Variants in PSD3 observed in about 807,000 individuals in gnomAD.
The protein encoded by PSD3 is pleckstrin and Sec7 domain containing 3, also known as PH and SEC7 domain-containing protein 3.
PSD3 carries 49 observed loss-of-function variants against 105.5 expected under a neutral mutation model. The observed-to-expected ratio is 0.46, with a 90% CI of 0.37 to 0.59. The LOEUF (loss-of-function observed/expected upper bound fraction) is 0.59. Among genes scored for constraint, PSD3 ranks in the 20% least tolerant of loss-of-function variants. The pLI is 0.00. For missense variants in PSD3, 1,561 were observed against 1,263.8 expected (o/e 1.24, Z -3.57); for synonymous variants, 557 against 457.8 (o/e 1.22, Z -2.77).
chr8:19,080,116 T>C (rs544849217), intron 1 of PSD3, among the ~76,000 whole-genome samples: 43 of 152,284 alleles, frequency 2.8e-4, no homozygotes, highest in African/African-American at 1.0e-3. Context: ...CTCAGACTCC[T>C]GACTTCAAAT....
Position 18,528,270 on chromosome 8 carries a change from C to T in PSD3, c.*7473G>A, listed in dbSNP as rs1274177382. The T allele has an allele frequency of 2.6e-5, 4 of 152,314 alleles. No homozygotes were observed. Among genetic ancestry groups the T allele is most frequent in the South Asian group, 4.1e-4 (2 of 4,826 alleles). The allele number at this position is 152,314 out of a possible 1,614,324, so 9.4% of individuals were successfully genotyped here. A position where few individuals can be genotyped will look rare whatever the true frequency, so the allele number is the denominator to read the frequency against. ...AGCACTTGAGTATTCCTCGACCCTT[C>T]CCCTAGAAAGGAAACGTTAGCCATT... On this transcript the variant is annotated 3_prime_UTR_variant, in exon 16 of 16. Transcript: ENST00000327040.
At chr8:18,933,230 C>T (rs958752643) in intron 2 of PSD3, among the ~76,000 whole-genome samples, 6 of 152,164 alleles carry the variant, frequency 3.9e-5, no homozygotes, top group Admixed American at 3.3e-4. Context: ...TTTGGTTTGC[C>T]TCGGCTATGA....
chr8:18,531,382 T>C lies in PSD3; in HGVS notation c.*4361A>G, dbSNP rs1212939150. On this transcript the variant is annotated 3_prime_UTR_variant, in exon 16 of 16. Transcript: ENST00000327040. ...CCACGTGGGTTCTGGATACTGTAGG[T>C]ACAAAAGGAGAATGCCTTTGGATTT... The C allele has an allele frequency of 6.6e-6, 1 of 152,640 alleles. No homozygotes were observed. The highest frequency in any genetic ancestry group is 1.9e-4 in the East Asian group (1 of 5,200). 9.5% of individuals were successfully genotyped at this position (152,640 alleles called of 1,614,324 possible). A position where few individuals can be genotyped will look rare whatever the true frequency, so the allele number is the denominator to read the frequency against.
At chr8:18,567,160 TC>T (rs1404477414) in intron 14 of PSD3, among the ~76,000 whole-genome samples, 1 of 152,106 alleles carries the variant, frequency 6.6e-6, no homozygotes, top group Non-Finnish European at 1.5e-5. Flanking sequence ...ACTCACCTTC[TC>T]CCCTGGATCT....
At chr8:18,632,561 G>T in intron 11 of PSD3, 52 bp downstream of exon 11, 1 of 1,524,568 alleles carries the variant, frequency 6.6e-7, no homozygotes, top group South Asian at 1.2e-5. Context: ...TTTAAATTTT[G>T]AGCATAAAGA....
rs1301395276 is a variant in PSD3 at position 18,535,616 on chromosome 8, G to GA, written c.*126dup. The GA allele has an allele frequency of 9.1e-5, 71 of 780,444 alleles. No homozygotes were observed. In the South Asian group the frequency reaches 1.2e-3, roughly 13 times the overall value. 48.3% of individuals were successfully genotyped at this position (780,444 alleles called of 1,614,324 possible). Reference sequence around the variant, plus strand: ...CAGAAACTAACAAAAATATACAATAGAAAAAATTACTAATGCACCGTTTTG... The same window carrying GA: ...CAGAAACTAACAAAAATATACAATAGAAAAAAATTACTAATGCACCGTTTTG... On this transcript the variant is annotated 3_prime_UTR_variant, in exon 16 of 16. Coordinates refer to ENST00000327040, the MANE Select transcript of PSD3 (RefSeq NM_015310.4).
intron 11 of PSD3, among the ~76,000 whole-genome samples, chr8:18,615,056 T>G (rs1357990211): frequency 6.6e-6 from 1 of 152,182 alleles, no homozygotes; most frequent in Non-Finnish European, 1.5e-5. Context: ...AGATATGAAT[T>G]CTAAATTTCT....
chr8:18,748,132 C>G (rs1404302202), intron 9 of PSD3, among the ~76,000 whole-genome samples: 1 of 152,042 alleles, frequency 6.6e-6, no homozygotes, highest in East Asian at 1.9e-4. Flanking sequence ...AAAGGACCAG[C>G]TGGCTGCACT....
intron 11 of PSD3, among the ~76,000 whole-genome samples, chr8:18,605,869 C>A (rs922724776): frequency 6.6e-6 from 1 of 152,142 alleles, no homozygotes; most frequent in African/African-American, 2.4e-5. Flanking sequence ...AAGTGGTGCT[C>A]CCCCTTTACC....
intron 11 of PSD3, among the ~76,000 whole-genome samples, chr8:18,617,194 C>A (rs185193882): frequency 6.6e-5 from 10 of 152,256 alleles, no homozygotes; most frequent in Admixed American, 6.5e-4. Flanking sequence ...TTACTATGTA[C>A]ACACATGCAA....
chr8:19,022,871 T>TC (rs1485636634), intron 1 of PSD3, among the ~76,000 whole-genome samples: 1 of 151,540 alleles, frequency 6.6e-6, no homozygotes, highest in South Asian at 2.1e-4. Context: ...ACCCTTTTTT[T>TC]TTTTTTAATC....
At chr8:18,884,720 C>T (rs1187271494) in intron 2 of PSD3, among the ~76,000 whole-genome samples, 1 of 152,192 alleles carries the variant, frequency 6.6e-6, no homozygotes, top group Non-Finnish European at 1.5e-5. Context: ...GACACTCTTT[C>T]CCCAAGTGAT....
At chr8:18,855,966 T>C (rs28670703) in intron 4 of PSD3, among the ~76,000 whole-genome samples, 2,044 of 152,252 alleles carry the variant, frequency 0.013, 50 homozygotes, top group African/African-American at 0.047. Context: ...TACAACCTCT[T>C]TGAGTGCAGC....
intron 4 of PSD3, among the ~76,000 whole-genome samples, chr8:18,858,220 G>A (rs1170125268): frequency 6.6e-6 from 1 of 152,154 alleles, no homozygotes; most frequent in Non-Finnish European, 1.5e-5. Context: ...GCCTATAAGA[G>A]TTAGGTTTAC....
chr8:18,699,009 G>A (rs1203462314), intron 9 of PSD3, among the ~76,000 whole-genome samples: 1 of 152,136 alleles, frequency 6.6e-6, no homozygotes, highest in Non-Finnish European at 1.5e-5. Flanking sequence ...AGGCTCATAA[G>A]GAAATGAATG....
intron 6 of PSD3, among the ~76,000 whole-genome samples, chr8:18,803,732 C>T (rs1302576832): frequency 2.0e-5 from 3 of 150,946 alleles, no homozygotes; most frequent in Admixed American, 1.3e-4. Flanking sequence ...TCAAAATCAT[C>T]GAGAAGAGAA....
rs529118464 is a variant in PSD3 at position 18,534,622 on chromosome 8, T to A, written c.*1121A>T. 1 of 152,302 alleles carries A rather than the reference T, an allele frequency of 6.6e-6. No individual in the cohort carries two copies. Among genetic ancestry groups the A allele is most frequent in the South Asian group, 2.1e-4 (1 of 4,822 alleles). 9.4% of individuals were successfully genotyped at this position (152,302 alleles called of 1,614,324 possible). On this transcript the variant is annotated 3_prime_UTR_variant, in exon 16 of 16. Transcript: ENST00000327040. The stretch of plus-strand genomic sequence containing the variant: ...AGATTCCTCAGTTTTCCAACCATAA[T>A]TCATTCTGACTACTACTTTCAGATA...
At chr8:18,659,121 T>A (rs901526342) in intron 9 of PSD3, among the ~76,000 whole-genome samples, 1 of 152,098 alleles carries the variant, frequency 6.6e-6, no homozygotes, top group Non-Finnish European at 1.5e-5. Context: ...TAGGGGGTTG[T>A]GGGGAGGTGG....
chr8:19,002,767 C>T (rs556770248), intron 1 of PSD3, among the ~76,000 whole-genome samples: 59 of 152,052 alleles, frequency 3.9e-4, no homozygotes, highest in African/African-American at 1.1e-3. Context: ...AACATTCTTC[C>T]ACATATTTTG....
Sources: gnomAD v4.1 joint callset for allele counts (sites outside exome capture counted in the v4.1 genomes callset) on GRCh38, gnomAD v4.1.1 for gene constraint, MANE v1.5 for transcripts, NCBI Gene and HGNC (gene_info 2026-07-23, HGNC 2026-07-21) for gene names.